The following SASH1 variants were observed in gnomAD, a reference collection of about 807,000 sequenced individuals.
SASH1 encodes the protein SAM and SH3 domain containing 1.
A neutral mutation model predicts 125.2 loss-of-function variants in SASH1; 44 were observed. That is an observed-to-expected ratio of 0.35 (90% CI 0.28 to 0.45). SASH1 has a LOEUF of 0.45. Ranked by LOEUF, SASH1 falls within the 20% of genes least tolerant of loss-of-function variation. The pLI is 1.00. For synonymous variants in SASH1, 639 were observed against 649.1 expected, an observed-to-expected ratio of 0.98 and a Z score of 0.24; for missense variants, 1,426 against 1,614.5, an observed-to-expected ratio of 0.88 and a Z score of 2.00.
At chr6:148,318,748 T>C (rs1780550839) in intron 1 of SASH1, among the ~76,000 whole-genome samples, 3 of 151,992 alleles carry the variant, frequency 2.0e-5, no homozygotes. Flanking sequence ...AGACGGGGTT[T>C]CACCACGTTG....
chr6:148,270,021 T>C (rs1779025183), upstream of SASH1, among the ~76,000 whole-genome samples: 1 of 152,066 alleles, frequency 6.6e-6, no homozygotes, highest in South Asian at 2.1e-4. Flanking sequence ...CGATATACAC[T>C]GATGTTATAG....
the SASH1 span, among the ~76,000 whole-genome samples, chr6:148,255,483 A>G: frequency 6.6e-6 from 1 of 152,160 alleles, no homozygotes; most frequent in Admixed American, 6.5e-5. Flanking sequence ...CCTTCAAAAT[A>G]TGAATTTGGG....
Position 148,546,243 on chromosome 6 carries a change from G to A in SASH1, c.3480+97G>A, listed in dbSNP as rs116291675. On this transcript the variant is annotated intron_variant, in intron 19 of 19. Coordinates refer to ENST00000367467, the MANE Select transcript of SASH1 (RefSeq NM_015278.5). ...AACTGCCAAGTAGGCAAGGGCTTGC[G>A]TAGCTATGGAAAGGAGACAGCTGGG... is the stretch of plus-strand genomic sequence containing the variant. 471 of 1,419,532 alleles carry A rather than the reference G, an allele frequency of 3.3e-4. 2 individuals are homozygous for A. The African/African-American group carries it at 5.5e-3, about 17-fold the overall frequency. 87.9% of individuals were successfully genotyped at this position (1,419,532 alleles called of 1,614,324 possible). A position where few individuals can be genotyped will look rare whatever the true frequency, so the allele number is the denominator to read the frequency against.
At chr6:148,390,774 C>T (rs1014658012) in intron 2 of SASH1, among the ~76,000 whole-genome samples, 16 of 148,422 alleles carry the variant, frequency 1.1e-4, no homozygotes, top group African/African-American at 3.5e-4. Flanking sequence ...GGCGACAGAG[C>T]AAGACTCCGT....
In SASH1 at chr6:148,471,472, C is replaced by T. The variant is rs201883801; in HGVS notation, c.483C>T (p.Asn161=). 3.8e-6 allele frequency: 6 copies of T among 1,572,996 alleles called. No homozygotes were observed. The highest frequency in any genetic ancestry group is 5.2e-6 in the Non-Finnish European group (6 of 1,159,194). ...NKYFWQNFRK[N]QKGIMRQTSK... Reference sequence around the variant, plus strand: ...ATTTCTGGCAGAACTTCCGAAAGAACCAGAAAGGAATAATGAGACAGACTT... The same window carrying T: ...ATTTCTGGCAGAACTTCCGAAAGAATCAGAAAGGAATAATGAGACAGACTT... Residue 161 remains asparagine, a synonymous_variant, in exon 6 of 20, where the codon AAC becomes AAT. Coordinates refer to ENST00000367467, the MANE Select transcript of SASH1 (RefSeq NM_015278.5).
At chr6:148,302,741 CTGTG>C (rs1780003758) in intron 1 of SASH1, among the ~76,000 whole-genome samples, 1 of 139,664 alleles carries the variant, frequency 7.2e-6, no homozygotes, top group African/African-American at 2.7e-5. Context: ...TTATGTATTT[CTGTG>C]TGTATGTATT....
intron 7 of SASH1, among the ~76,000 whole-genome samples, chr6:148,485,655 T>C (rs1562450299): frequency 6.6e-6 from 1 of 152,204 alleles, no homozygotes; most frequent in Non-Finnish European, 1.5e-5. Context: ...GGTTCTGCAT[T>C]CAAGCTCTTA....
the SASH1 span, among the ~76,000 whole-genome samples, chr6:148,196,805 G>A: frequency 3.1e-3 from 465 of 152,354 alleles, 3 homozygotes; most frequent in Non-Finnish European, 4.6e-3. Flanking sequence ...TAGCAAGTCT[G>A]AAGTCAGGGA....
At chr6:148,510,377 AG>A (rs1190698457) in intron 8 of SASH1, among the ~76,000 whole-genome samples, 19 of 152,280 alleles carry the variant, frequency 1.2e-4, no homozygotes, top group Non-Finnish European at 2.9e-5. Flanking sequence ...CTTCTCACTG[AG>A]AAGATGATCT....
intron 3 of SASH1, 49 bp from the exon 4 acceptor site, chr6:148,440,309 T>C: frequency 6.2e-7 from 1 of 1,609,102 alleles, no homozygotes; most frequent in Non-Finnish European, 8.5e-7. Flanking sequence ...ACAAATCAGA[T>C]GAAGCCTGCT....
chr6:148,252,332 T>A, the SASH1 span, among the ~76,000 whole-genome samples: 2 of 152,180 alleles, frequency 1.3e-5, no homozygotes, highest in Non-Finnish European at 2.9e-5. Flanking sequence ...GAATTCTGAT[T>A]ACGGTGAATT....
chr6:148,238,310 G>T, the SASH1 span, among the ~76,000 whole-genome samples: 57 of 151,944 alleles, frequency 3.8e-4, no homozygotes, highest in East Asian at 8.9e-3. Flanking sequence ...CACAACCTCC[G>T]CCTCCCAGGT....
chr6:148,423,723 C>T (rs1451373542), intron 2 of SASH1, among the ~76,000 whole-genome samples: 2 of 152,140 alleles, frequency 1.3e-5, no homozygotes, highest in Admixed American at 6.5e-5. Context: ...TTTTTTTATA[C>T]TGCCAGTACC....
At chr6:148,198,598 C>G in the SASH1 span, among the ~76,000 whole-genome samples, 1 of 152,152 alleles carries the variant, frequency 6.6e-6, no homozygotes, top group Non-Finnish European at 1.5e-5. Flanking sequence ...AGCAAGCCAC[C>G]ACAACTGGAA....
At chr6:148,421,154 A>G (rs201282557) in intron 2 of SASH1, among the ~76,000 whole-genome samples, 7,999 of 42,708 alleles carry the variant, frequency 0.19, 273 homozygotes, top group Middle Eastern at 0.25. Flanking sequence ...AGGAAGAAAG[A>G]AAGAAAGAAA....
At chr6:148,427,096 T>G (rs1040598988) in intron 2 of SASH1, among the ~76,000 whole-genome samples, 1 of 152,110 alleles carries the variant, frequency 6.6e-6, no homozygotes, top group African/African-American at 2.4e-5. Context: ...GAGCTGAGAT[T>G]GTGCCACTGC....
intron 1 of SASH1, among the ~76,000 whole-genome samples, chr6:148,309,422 A>C (rs1394897428): frequency 1.3e-5 from 2 of 152,148 alleles, no homozygotes; most frequent in Non-Finnish European, 2.9e-5. Context: ...GATCAGAATC[A>C]AGACCTCAGT....
Position 148,533,217 on chromosome 6 carries a change from A to T in SASH1, c.1734+251A>T, listed in dbSNP as rs1781628036. Among the ~76,000 whole-genome samples the T allele has an allele frequency of 6.6e-6, 1 of 152,122 alleles. No individual in the cohort carries two copies. On this transcript the variant is annotated intron_variant, in intron 14 of 19. Transcript: ENST00000367467. This position sits in a 1 kb window ranked among gnomAD's most constrained non-coding sequence, Gnocchi z 6.2. ...ACCCCTCTGACCTCAGCTTCCCTCTAGAATTCCTGTTGCACACCCTCCCTC... is the reference window on the plus strand; with the variant it reads ...ACCCCTCTGACCTCAGCTTCCCTCTTGAATTCCTGTTGCACACCCTCCCTC...
intron 1 of SASH1, among the ~76,000 whole-genome samples, chr6:148,315,820 C>T (rs1208561181): frequency 6.6e-6 from 1 of 152,176 alleles, no homozygotes; most frequent in Non-Finnish European, 1.5e-5. Flanking sequence ...AGAAGGATCA[C>T]TTGAGCCTGG....
Sources: allele counts gnomAD v4.1 joint callset (sites outside exome capture counted in the v4.1 genomes callset), GRCh38; gene constraint gnomAD v4.1.1; non-coding constraint Gnocchi (gnomAD v3.1); transcripts MANE v1.5; gene names NCBI Gene and HGNC (gene_info 2026-07-23, HGNC 2026-07-21).